The following PPP1R12C variants were observed in gnomAD, a reference collection of about 807,000 sequenced individuals.
The protein encoded by PPP1R12C is protein phosphatase 1 regulatory subunit 12C, also known as leukocyte receptor cluster (LRC) encoded novel gene 3.
In PPP1R12C, 48 loss-of-function variants were observed where a neutral mutation model predicts 95.6. The observed-to-expected ratio is 0.50, with a 90% CI of 0.40 to 0.64. The LOEUF (loss-of-function observed/expected upper bound fraction) is 0.64. Ranked by LOEUF, PPP1R12C falls within the 30% of genes least tolerant of loss-of-function variation. The pLI is 0.00. For missense variants in PPP1R12C, 1,057 were observed against 1,083.3 expected (o/e 0.98, Z 0.34); for synonymous variants, 480 against 460.8 (o/e 1.04, Z -0.53).
rs754880291 is a variant in PPP1R12C, at chr19:55,091,859, G to C, written c.2211C>G (p.Phe737Leu). 3 of 1,613,370 alleles carry C rather than the reference G, an allele frequency of 1.9e-6. No individual in the cohort carries two copies. The highest frequency in any genetic ancestry group is 1.7e-5 in the Admixed American group (1 of 60,024). Reference protein sequence around the residue: ...ERPALLELERFERRALERKAA... With the variant: ...ERPALLELERLERRALERKAA... ...CCCCATCCCCACTGCCCCTACTCAC[G>C]AATCTCTCCAGTTCCAGGAGGGCTG... The change falls in exon 20 of 22, where the codon TTC (phenylalanine) becomes TTG (leucine). Residue 737 changes from phenylalanine to leucine, a missense_variant and splice_region_variant. Phe to Leu is a conservative substitution (Grantham distance 22). Around this residue, in one of 5 missense-constraint regions of PPP1R12C, gnomAD observed 347 missense variants for 307.9 expected, o/e 1.13. Transcript: ENST00000263433.
chr19:55,112,287 G>T, intron 3 of PPP1R12C, 180 bp downstream of exon 3: 1 of 534,862 alleles, frequency 1.9e-6, no homozygotes. Flanking sequence ...TGGGCTCCAA[G>T]CAATCCTGGA....
intron 6 of PPP1R12C, among the ~76,000 whole-genome samples, chr19:55,098,008 A>C (rs964109933): frequency 2.0e-5 from 3 of 152,106 alleles, no homozygotes; most frequent in African/African-American, 7.2e-5. Flanking sequence ...ATCTTCTCCT[A>C]CATCCATCAG....
chr19:55,093,326 CCT>C, intron 13 of PPP1R12C, 93 bp from the exon 14 acceptor site: 1 of 294,544 alleles, frequency 3.4e-6, no homozygotes. Flanking sequence ...GCCCCTCCTC[CCT>C]CAGACCCAGG....
chr19:55,095,467 C>CAGG lies in PPP1R12C; in HGVS notation c.1361_1363dup (p.Ser454dup). 6.4e-7 allele frequency: 1 copy of CAGG among 1,563,856 alleles called. No individual in the cohort carries two copies. Among genetic ancestry groups the CAGG allele is most frequent in the South Asian group, 1.2e-5 (1 of 85,110 alleles). On this transcript the variant is annotated inframe_insertion, in exon 10 of 22. Transcript: ENST00000263433. ...CACCTGAGTGGAGGTCCCTTCCAGC[C>CAGG]AGGAGGAGGAAGCCGAGCGCTGCAG...
intron 19 of PPP1R12C, 90 bp downstream of exon 19, chr19:55,092,132 C>T: frequency 7.9e-7 from 1 of 1,262,422 alleles, no homozygotes; most frequent in East Asian, 2.6e-5. Context: ...GCCCCGCCGG[C>T]ACCCCCAGGC....
Position 55,093,029 on chromosome 19 carries a change from G to A in PPP1R12C, c.1812C>T (p.Ser604=), listed in dbSNP as rs779212490. 1 of 1,584,658 alleles carries A rather than the reference G, an allele frequency of 6.3e-7. No individual in the cohort carries two copies. The change falls in exon 15 of 22, where the codon AGC becomes AGT. Residue 604 remains serine, a synonymous_variant. Transcript: ENST00000263433. ...AGCAGACCTCACCTCTCTGGGCAGG[G>A]CTGTCAGAGTTCTCCACTCCAGGGA... ...PRVPGVENSD[S]PAQRAEAPDG...
Position 55,095,612 on chromosome 19 carries a change from A to C in PPP1R12C, c.1228-9T>G, listed in dbSNP as rs768197567. The C allele has an allele frequency of 1.9e-6, 3 of 1,549,622 alleles. No individual in the cohort carries two copies. The Admixed American group carries it at 6.1e-5, about 32-fold the overall frequency. On this transcript the variant is annotated splice_polypyrimidine_tract_variant and intron_variant, in intron 9 of 21. Coordinates refer to ENST00000263433, the MANE Select transcript of PPP1R12C (RefSeq NM_017607.4). The stretch of plus-strand genomic sequence containing the variant: ...GGGGCCTCTTCAAGCTGCTGGGAGA[A>C]GGAGGAGGTCTCAGTTAGAGAGAAA...
At chr19:55,107,845 A>T (rs1181310313) in intron 3 of PPP1R12C, among the ~76,000 whole-genome samples, 3 of 152,040 alleles carry the variant, frequency 2.0e-5, no homozygotes, top group African/African-American at 7.2e-5. Context: ...AGTATAAATT[A>T]AAAAAATAAA....
At chr19:55,092,366 C>T (rs540486434) in intron 18 of PPP1R12C, 40 bp from the exon 19 acceptor site, 5 of 1,534,166 alleles carry the variant, frequency 3.3e-6, no homozygotes, top group Non-Finnish European at 3.6e-6. Flanking sequence ...GAGGATGGGG[C>T]GATGCTGGGG....
chr19:55,099,049 C>T lies in PPP1R12C; in HGVS notation c.778G>A (p.Gly260Ser), dbSNP rs2084953427. The change falls in exon 5 of 22, where the codon GGC becomes AGC. Residue 260 changes from glycine (G) to serine (S), a missense_variant. Physicochemically the swap from Gly to Ser is moderately conservative, Grantham distance 56. Around this residue, in one of 5 missense-constraint regions of PPP1R12C, gnomAD observed 282 missense variants for 380.4 expected, o/e 0.74. Transcript: ENST00000263433. ...GYDPELRDGD[G>S]WTPLHAAAHW... ...GCCGCTGCGTGCAGGGGAGTCCAGC[C>T]GTCCCCGTCCCGGAGCTCTGGGTCG... 1.3e-6 allele frequency: 2 copies of T among 1,552,888 alleles called. No individual in the cohort carries two copies. The highest frequency in any genetic ancestry group is 1.7e-6 in the Non-Finnish European group (2 of 1,148,168).
At position 55,112,812 on chromosome 19, in the gene PPP1R12C, G is replaced by T; in HGVS notation, c.322-17C>A. 6.2e-7 allele frequency: 1 copy of T among 1,610,406 alleles called. No individual in the cohort carries two copies. Among genetic ancestry groups the T allele is most frequent in the South Asian group, 1.1e-5 (1 of 91,072 alleles). On this transcript the variant is annotated splice_polypyrimidine_tract_variant and intron_variant, in intron 1 of 21. Coordinates refer to ENST00000263433, the MANE Select transcript of PPP1R12C (RefSeq NM_017607.4). ...AATGCAGGCCTGGGGGTGGGAAACA[G>T]CCGTCAGCCGCACCTACCCCAGCCA...
chr19:55,098,140 G>A (rs574931258), intron 6 of PPP1R12C, among the ~76,000 whole-genome samples: 16 of 152,316 alleles, frequency 1.1e-4, no homozygotes, highest in Admixed American at 7.8e-4. Context: ...CTCACTGAAC[G>A]CTGGCATGGC....
In PPP1R12C at chr19:55,092,438, G is replaced by A; in HGVS notation, c.2055+4C>T. 2 of 1,604,410 alleles carry A rather than the reference G, an allele frequency of 1.2e-6. No homozygotes were observed. The highest frequency in any genetic ancestry group is 2.3e-5 in the East Asian group (1 of 44,422). ...AAAGCCCCGACGGAGGGGTGGGATC[G>A]CACCGTCCTAAAGCCTCCGTCTGGC... On this transcript the variant is annotated splice_donor_region_variant and intron_variant, in intron 18 of 21. Coordinates refer to ENST00000263433, the MANE Select transcript of PPP1R12C (RefSeq NM_017607.4).
intron 19 of PPP1R12C, 101 bp from the exon 20 acceptor site, chr19:55,092,010 C>T (rs1602966483): frequency 6.9e-7 from 1 of 1,445,030 alleles, no homozygotes; most frequent in East Asian, 2.3e-5. Flanking sequence ...ACTAGGCAGC[C>T]CACAAGCCCT....
intron 3 of PPP1R12C, among the ~76,000 whole-genome samples, chr19:55,103,994 A>AC: frequency 1.2e-5 from 1 of 83,550 alleles, no homozygotes. Context: ...TACTAAAACT[A>AC]CAAAAAAAAA....
chr19:55,108,636 G>C (rs1374345194), intron 3 of PPP1R12C, among the ~76,000 whole-genome samples: 3 of 152,100 alleles, frequency 2.0e-5, no homozygotes, highest in Non-Finnish European at 4.4e-5. Context: ...TCTGTGACTG[G>C]CTTATTTTCA....
chr19:55,096,440 G>A (rs2084913769), intron 6 of PPP1R12C, 105 bp from the exon 7 acceptor site: 3 of 1,343,180 alleles, frequency 2.2e-6, no homozygotes, highest in African/African-American at 2.9e-5. Context: ...GGCGGGCACC[G>A]AGGGCTCGTG....
chr19:55,099,845 A>C (rs1238310229), intron 4 of PPP1R12C, among the ~76,000 whole-genome samples: 1 of 152,244 alleles, frequency 6.6e-6, no homozygotes, highest in African/African-American at 2.4e-5. Context: ...CTCCAAGCTC[A>C]GCTTAACGGT....
Position 55,091,364 on chromosome 19 carries a change from C to A in PPP1R12C, c.*108G>T. 1 of 1,197,392 alleles carries A rather than the reference C, an allele frequency of 8.4e-7. No homozygotes were observed. The highest frequency in any genetic ancestry group is 1.2e-6 in the Non-Finnish European group (1 of 846,670). The allele number at this position is 1,197,392 out of a possible 1,614,324, so 74.2% of individuals were successfully genotyped here. ...TCCGGAGGTCCCAGGGGGGCTATGG[C>A]TTCTCTGAGACTTCCCCCGGAGCCC... On this transcript the variant is annotated 3_prime_UTR_variant, in exon 22 of 22. Transcript: ENST00000263433.
Sources: gnomAD v4.1 joint callset for allele counts (sites outside exome capture counted in the v4.1 genomes callset) on GRCh38, gnomAD v4.1.1 for gene constraint, gnomAD v4.1.1 regional missense constraint, MANE v1.5 for transcripts, NCBI Gene and HGNC (gene_info 2026-07-23, HGNC 2026-07-21) for gene names.